VAV3: variants seen among roughly 807,000 people sequenced by gnomAD.
VAV3 encodes vav guanine nucleotide exchange factor 3.
A neutral mutation model predicts 131.2 loss-of-function variants in VAV3; 94 were observed. That is an observed-to-expected ratio of 0.72 (90% CI 0.61 to 0.85). The LOEUF (loss-of-function observed/expected upper bound fraction) is 0.85. VAV3 is among the 40% of genes least tolerant of loss of function. The pLI is 0.00. For missense variants in VAV3, 939 were observed against 1,002.7 expected (o/e 0.94, Z 0.86); for synonymous variants, 349 against 342.0 (o/e 1.02, Z -0.22).
At chr1:107,909,818 G>T (rs1006932436) in intron 1 of VAV3, among the ~76,000 whole-genome samples, 18 of 152,036 alleles carry the variant, frequency 1.2e-4, no homozygotes, top group African/African-American at 4.3e-4. Context: ...TTATGGGAAG[G>T]TGAGAAAATC....
In VAV3 at chr1:107,964,919, G is replaced by A. The variant is rs769974059; in HGVS notation, c.-50C>T. The A allele has an allele frequency of 2.4e-5, 28 of 1,170,424 alleles. No homozygotes were observed. The highest frequency in any genetic ancestry group is 3.0e-5 in the Non-Finnish European group (28 of 929,778). The allele number at this position is 1,170,424 out of a possible 1,614,324, so 72.5% of individuals were successfully genotyped here. On this transcript the variant is annotated 5_prime_UTR_variant, in exon 1 of 27. Coordinates refer to ENST00000370056, the MANE Select transcript of VAV3 (RefSeq NM_006113.5). ...GGGCCGGGGCGGGCGGCAAGGATGC[G>A]GCCGCCGCCGCCGCCGCCGCGGTTC...
At chr1:107,795,365 C>G (rs1666486111) in intron 2 of VAV3, among the ~76,000 whole-genome samples, 1 of 152,212 alleles carries the variant, frequency 6.6e-6, no homozygotes, top group Admixed American at 6.5e-5. Flanking sequence ...TCTTACAGGA[C>G]TATCAAACAA....
intron 13 of VAV3, 41 bp downstream of exon 13, chr1:107,751,076 A>C: frequency 6.4e-7 from 1 of 1,570,430 alleles, no homozygotes; most frequent in Non-Finnish European, 8.7e-7. Flanking sequence ...GTTTTCTGAC[A>C]CTAATTACTT....
At chr1:107,673,956 A>C (rs1013536267) in intron 19 of VAV3, among the ~76,000 whole-genome samples, 1 of 152,220 alleles carries the variant, frequency 6.6e-6, no homozygotes, top group African/African-American at 2.4e-5. Flanking sequence ...CTAGCAAAAG[A>C]AGCTCAAGTG....
intron 2 of VAV3, among the ~76,000 whole-genome samples, chr1:107,790,662 C>A (rs1666237438): frequency 6.9e-6 from 1 of 145,886 alleles, no homozygotes; most frequent in African/African-American, 2.5e-5. Flanking sequence ...TACATCACTC[C>A]TTCCTTAAAT....
intron 1 of VAV3, among the ~76,000 whole-genome samples, chr1:107,955,159 G>T (rs182901114): frequency 6.6e-6 from 1 of 152,000 alleles, no homozygotes; most frequent in African/African-American, 2.4e-5. Flanking sequence ...TCTTTTATTT[G>T]GTCTATTTTA....
At chr1:107,960,864 T>C (rs1675049674) in intron 1 of VAV3, among the ~76,000 whole-genome samples, 1 of 152,134 alleles carries the variant, frequency 6.6e-6, no homozygotes, top group Non-Finnish European at 1.5e-5. Flanking sequence ...TACATTTCTC[T>C]CTAGTTCCTA....
rs576875421 is a variant in VAV3 at position 107,684,218 on chromosome 1, A to G, written c.1732-685T>C. Among the ~76,000 whole-genome samples the G allele has an allele frequency of 3.3e-5, 5 of 152,356 alleles. No individual in the cohort carries two copies. In the East Asian group the frequency reaches 9.6e-4, roughly 29 times the overall value. On this transcript the variant is annotated intron_variant, in intron 18 of 26. Transcript: ENST00000370056. ...TAAATCTATGAAAATGCATGGCTACATATTTTATTTCTAAAGCATTAAACT... is the reference window on the plus strand; with the variant it reads ...TAAATCTATGAAAATGCATGGCTACGTATTTTATTTCTAAAGCATTAAACT...
At chr1:107,725,802 C>T (rs867923795) in intron 15 of VAV3, among the ~76,000 whole-genome samples, 16 of 152,226 alleles carry the variant, frequency 1.1e-4, no homozygotes, top group Middle Eastern at 3.4e-3. Context: ...TGTGAGCCAC[C>T]GTGCCCAGAT....
At chr1:107,847,679 G>A (rs535256053) in intron 2 of VAV3, among the ~76,000 whole-genome samples, 1 of 151,924 alleles carries the variant, frequency 6.6e-6, no homozygotes, top group Non-Finnish European at 1.5e-5. Flanking sequence ...GAAGAAATGG[G>A]TAAATTTCTG....
chr1:107,795,109 T>C (rs1666473648), intron 2 of VAV3, among the ~76,000 whole-genome samples: 1 of 152,190 alleles, frequency 6.6e-6, no homozygotes. Flanking sequence ...TCCCCTTCTT[T>C]AGAAACTGCT....
chr1:107,702,731 G>A (rs1005670402), intron 17 of VAV3, among the ~76,000 whole-genome samples: 7 of 150,062 alleles, frequency 4.7e-5, no homozygotes, highest in East Asian at 2.0e-4. Context: ...GCTCCTTAAC[G>A]TTCCCATCCA....
chr1:107,578,840 A>C lies in VAV3; in HGVS notation c.2351-4642T>G. The C allele has an allele frequency of 3.0e-6, 3 of 985,008 alleles. No individual in the cohort carries two copies. In the South Asian group the frequency reaches 1.4e-4, roughly 46 times the overall value. 61.0% of individuals were successfully genotyped at this position (985,008 alleles called of 1,614,324 possible). A position where few individuals can be genotyped will look rare whatever the true frequency, so the allele number is the denominator to read the frequency against. On this transcript the variant is annotated intron_variant, in intron 25 of 26. Coordinates refer to ENST00000370056, the MANE Select transcript of VAV3 (RefSeq NM_006113.5). ...TATATTTCTCCAAAATTTTCAATGA[A>C]GGTAATTTACACCAAGAGTCTGGAA...
intron 1 of VAV3, among the ~76,000 whole-genome samples, chr1:107,875,556 G>C (rs929997951): frequency 6.6e-6 from 1 of 152,114 alleles, no homozygotes; most frequent in Non-Finnish European, 1.5e-5. Flanking sequence ...CTGAGAAAGG[G>C]GTCAGTGCAG....
intron 11 of VAV3, 76 bp downstream of exon 11, chr1:107,757,185 G>GCAATT: frequency 1.3e-6 from 1 of 783,276 alleles, no homozygotes; most frequent in Non-Finnish European, 2.1e-6. Context: ...GTGTGTGTGT[G>GCAATT]TGTATGCAAT....
At chr1:107,596,085 G>A in intron 25 of VAV3, 127 bp downstream of exon 25, 1 of 1,253,642 alleles carries the variant, frequency 8.0e-7, no homozygotes, top group East Asian at 2.4e-5. Flanking sequence ...CTCCAGAAAA[G>A]AAGTCCTTGC....
chr1:107,605,531 C>T (rs980543035), intron 22 of VAV3, among the ~76,000 whole-genome samples: 15 of 152,172 alleles, frequency 9.9e-5, no homozygotes, highest in African/African-American at 3.4e-4. Flanking sequence ...AATATATCTT[C>T]TTTATAAGTT....
At chr1:107,718,312 C>G (rs1250430954) in intron 15 of VAV3, among the ~76,000 whole-genome samples, 1 of 152,112 alleles carries the variant, frequency 6.6e-6, no homozygotes, top group African/African-American at 2.4e-5. Flanking sequence ...AAAACCCCAT[C>G]ATCTCAGCCC....
intron 20 of VAV3, among the ~76,000 whole-genome samples, chr1:107,626,030 A>G (rs6676496): frequency 8.5e-5 from 13 of 152,196 alleles, no homozygotes; most frequent in African/African-American, 3.1e-4. Flanking sequence ...AAAAAAAAAG[A>G]GATAATACTT....
Sources: allele counts gnomAD v4.1 joint callset (sites outside exome capture counted in the v4.1 genomes callset), GRCh38; gene constraint gnomAD v4.1.1; transcripts MANE v1.5; gene names NCBI Gene and HGNC (gene_info 2026-07-23, HGNC 2026-07-21).